Variants in ATAD2 observed in about 807,000 individuals in gnomAD.
ATAD2 encodes ATPase family AAA domain containing 2.
Under a neutral mutation model 168.9 loss-of-function variants are expected in ATAD2, and 62 were observed. The ratio of observed to expected loss-of-function variants is 0.37; its 90% CI spans 0.30 to 0.45. The LOEUF is 0.45. Among genes scored for constraint, ATAD2 ranks in the 20% least tolerant of loss-of-function variants. The pLI, the probability that ATAD2 is intolerant of heterozygous loss-of-function variation, is 1.00. For synonymous variants in ATAD2, 613 were observed against 571.6 expected, an observed-to-expected ratio of 1.07 and a Z score of -1.03; for missense variants, 1,419 against 1,667.8, an observed-to-expected ratio of 0.85 and a Z score of 2.60.
intron 7 of ATAD2, chr8:123,369,522 G>C (rs1022675003): frequency 1.2e-4 from 42 of 341,178 alleles, no homozygotes; most frequent in African/African-American, 8.1e-4. Flanking sequence ...TAAATCAAAA[G>C]AAGTCCTATC....
chr8:123,323,841 T>C (rs1383631518), intron 26 of ATAD2, among the ~76,000 whole-genome samples: 1 of 152,214 alleles, frequency 6.6e-6, no homozygotes, highest in East Asian at 1.9e-4. Context: ...AATGGATATA[T>C]GGTACTATTA....
In ATAD2 at chr8:123,346,087, T is replaced by C; in HGVS notation, c.2531A>G (p.Gln844Arg). Reference protein sequence around the residue: ...STTSPEETCAQVIREAKRTAP... With the variant: ...STTSPEETCARVIREAKRTAP... ...TATACTTGGGCACCAACAAATTACC[T>C]GGGCACATGTTTCTTCAGGGGATGT... Residue 844 changes from glutamine (Q) to arginine (R), a missense_variant and splice_region_variant, in exon 18 of 28, where the codon CAG becomes CGG. Transcript: ENST00000287394. 6.6e-7 allele frequency: 1 copy of C among 1,513,938 alleles called. No homozygotes were observed. Among genetic ancestry groups the C allele is most frequent in the Non-Finnish European group, 8.8e-7 (1 of 1,132,824 alleles). 93.8% of individuals were successfully genotyped at this position (1,513,938 alleles called of 1,614,324 possible). A position where few individuals can be genotyped will look rare whatever the true frequency, so the allele number is the denominator to read the frequency against.
chr8:123,345,614 G>A (rs537008605), intron 18 of ATAD2, among the ~76,000 whole-genome samples: 5 of 152,196 alleles, frequency 3.3e-5, no homozygotes, highest in East Asian at 1.9e-4. Context: ...CCCGGAAGGC[G>A]GAGGTTGCAG....
At chr8:123,353,952 G>GTGAA (rs1430277045) in intron 13 of ATAD2, among the ~76,000 whole-genome samples, 1 of 152,264 alleles carries the variant, frequency 6.6e-6, no homozygotes, top group East Asian at 1.9e-4. Flanking sequence ...GGCCAACATG[G>GTGAA]TGAAACCCTG....
intron 19 of ATAD2, among the ~76,000 whole-genome samples, chr8:123,340,415 A>G (rs1248765665): frequency 1.3e-5 from 2 of 152,238 alleles, no homozygotes; most frequent in Non-Finnish European, 2.9e-5. Context: ...GTGGTTTCTC[A>G]AAGTTTAAAC....
intron 2 of ATAD2, among the ~76,000 whole-genome samples, chr8:123,378,289 G>C (rs78788911): frequency 1.3e-5 from 2 of 151,784 alleles, no homozygotes; most frequent in Non-Finnish European, 2.9e-5. Context: ...ATAAATAATG[G>C]ATAAGACGCA....
At chr8:123,393,584 T>C (rs889828445) in intron 1 of ATAD2, among the ~76,000 whole-genome samples, 2 of 151,668 alleles carry the variant, frequency 1.3e-5, no homozygotes, top group Non-Finnish European at 2.9e-5. Context: ...TATCAAACAG[T>C]GGAAAACGGG....
chr8:123,350,722 GCTTTTTTTTT>G (rs1563844416), intron 13 of ATAD2, among the ~76,000 whole-genome samples: 1 of 151,600 alleles, frequency 6.6e-6, no homozygotes, highest in African/African-American at 2.4e-5. Context: ...AGATCTAGAA[GCTTTTTTTTT>G]CTTTTTTTTT....
At chr8:123,412,368 T>C (rs1586916258) in intron 1 of ATAD2, among the ~76,000 whole-genome samples, 4 of 152,210 alleles carry the variant, frequency 2.6e-5, no homozygotes, top group Admixed American at 2.6e-4. Context: ...CTACAATGCT[T>C]ACACCCTGCT....
At chr8:123,371,382 T>C (rs372078191) in intron 4 of ATAD2, 44 bp from the exon 5 acceptor site, 1 of 1,467,402 alleles carries the variant, frequency 6.8e-7, no homozygotes, top group Non-Finnish European at 9.2e-7. Flanking sequence ...TGTAAAAGAG[T>C]AGCAGAATTT....
intron 1 of ATAD2, among the ~76,000 whole-genome samples, chr8:123,389,362 G>T (rs1033333475): frequency 1.3e-5 from 2 of 149,616 alleles, no homozygotes; most frequent in African/African-American, 2.5e-5. Flanking sequence ...ATGGTCGGCC[G>T]GGCGTGGTGG....
intron 13 of ATAD2, among the ~76,000 whole-genome samples, chr8:123,350,190 G>A (rs1195999105): frequency 6.6e-6 from 1 of 152,062 alleles, no homozygotes; most frequent in African/African-American, 2.4e-5. Context: ...TTATTATAAA[G>A]ACAGAATAGT....
In ATAD2 at chr8:123,369,931, T is replaced by TCAC. The variant is rs1829096530; in HGVS notation, c.820_821insGTG (p.Asp273_Asp274insGly). On this transcript the variant is annotated inframe_insertion, in exon 7 of 28. Coordinates refer to ENST00000287394, the MANE Select transcript of ATAD2 (RefSeq NM_014109.4). ...ATCTTCATCATCTTCATCATCATCA[T>TCAC]CATCATCATCATCGTCATCATCATC... 6.3e-7 allele frequency: 1 copy of TCAC among 1,581,256 alleles called. No homozygotes were observed. Among genetic ancestry groups the TCAC allele is most frequent in the African/African-American group, 1.4e-5 (1 of 73,368 alleles).
upstream of ATAD2, among the ~76,000 whole-genome samples, chr8:123,396,834 T>A (rs1333257011): frequency 6.6e-6 from 1 of 152,078 alleles, no homozygotes; most frequent in Non-Finnish European, 1.5e-5. Context: ...TGCTTGCTGC[T>A]TCCCGCCATC....
rs750743842 is a variant in ATAD2 at position 123,369,942 on chromosome 8, A to ATCGTCG, written c.809_810insCGACGA (p.Asp276_Asp277dup). 6 of 1,554,676 alleles carry ATCGTCG rather than the reference A, an allele frequency of 3.9e-6. 1 individual carries two copies. The African/African-American group carries it at 6.8e-5, about 18-fold the overall frequency. ...CTTCATCATCATCATCATCATCATC[A>ATCGTCG]TCGTCATCATCATCATCATCTTCAT... On this transcript the variant is annotated inframe_insertion, in exon 7 of 28. Coordinates refer to ENST00000287394, the MANE Select transcript of ATAD2 (RefSeq NM_014109.4).
chr8:123,378,364 G>GTA (rs1208858065), intron 2 of ATAD2, among the ~76,000 whole-genome samples: 1 of 151,992 alleles, frequency 6.6e-6, no homozygotes, highest in African/African-American at 2.4e-5. Flanking sequence ...ACTCAAAAGG[G>GTA]CATAACCTTG....
At chr8:123,404,010 A>C (rs1300202724) in intron 1 of ATAD2, among the ~76,000 whole-genome samples, 1 of 152,136 alleles carries the variant, frequency 6.6e-6, no homozygotes, top group Non-Finnish European at 1.5e-5. Flanking sequence ...TATTTTAGAC[A>C]CCTGCTACAA....
rs1185968057 is a variant in ATAD2, at chr8:123,328,250, A to G, written c.3808T>C (p.Cys1270Arg). Residue 1270 changes from cysteine to arginine, a missense_variant, in exon 25 of 28, where the codon TGT becomes CGT. By Grantham distance (180) the Cys-to-Arg change is radical (BLOSUM62 -3). This residue lies in a region of ATAD2 where 303 missense variants were observed against 304.3 expected (regional missense o/e 1.00). Coordinates refer to ENST00000287394, the MANE Select transcript of ATAD2 (RefSeq NM_014109.4). ...TGAGAGCTAGAAGCATCTCCATTACAAGCAATCTTGTCTCTCAATTCTGTA... is the reference window on the plus strand; with the variant it reads ...TGAGAGCTAGAAGCATCTCCATTACGAGCAATCTTGTCTCTCAATTCTGTA... ...ACTELRDKIACNGDASSSQII... is the reference protein window; with the variant it reads ...ACTELRDKIARNGDASSSQII... 2.0e-6 allele frequency: 3 copies of G among 1,513,442 alleles called. No individual in the cohort carries two copies. Among genetic ancestry groups the G allele is most frequent in the Non-Finnish European group, 2.6e-6 (3 of 1,134,094 alleles). 93.8% of individuals were successfully genotyped at this position (1,513,442 alleles called of 1,614,324 possible).
chr8:123,334,154 A>AT, intron 23 of ATAD2, 46 bp downstream of exon 23: 1 of 1,547,208 alleles, frequency 6.5e-7, no homozygotes, highest in African/African-American at 1.4e-5. Flanking sequence ...TCTGAAATTC[A>AT]TTGATAATAT....
Sources: gnomAD v4.1 joint callset for allele counts (sites outside exome capture counted in the v4.1 genomes callset) on GRCh38, gnomAD v4.1.1 for gene constraint, gnomAD v4.1.1 regional missense constraint, MANE v1.5 for transcripts, NCBI Gene and HGNC (gene_info 2026-07-23, HGNC 2026-07-21) for gene names.